TRPM1: variants seen among roughly 807,000 people sequenced by gnomAD.
The protein encoded by TRPM1 is TRPM1-203 APA Isoform, Intron 10.
Under a neutral mutation model 149.4 loss-of-function variants are expected in TRPM1, and 113 were observed. That is an observed-to-expected ratio of 0.76 (90% CI 0.65 to 0.88). The LOEUF (loss-of-function observed/expected upper bound fraction) is 0.88. Ranked by LOEUF, TRPM1 falls within the 40% of genes least tolerant of loss-of-function variation. TRPM1 has a pLI of 0.00. For missense variants in TRPM1, 1,976 were observed against 2,038.7 expected (o/e 0.97, Z 0.59); for synonymous variants, 741 against 759.5 (o/e 0.98, Z 0.40).
intron 1 of TRPM1, among the ~76,000 whole-genome samples, chr15:31,134,097 T>C (rs1040443168): frequency 6.6e-6 from 1 of 152,136 alleles, no homozygotes; most frequent in Admixed American, 6.5e-5. Context: ...CCCGTGTGGC[T>C]GGAGTGTTGA....
In TRPM1 at chr15:31,037,734, T is replaced by A. The variant is rs771284454; in HGVS notation, c.2548A>T (p.Ile850Phe). ...ACTGTGTAAAACCAGAACTTGACAA[T>A]GGGCGCGTTATAGAATTCACAGATC... ...TKICEFYNAP[I>F]VKFWFYTISY... Residue 850 changes from isoleucine (I) to phenylalanine (F), a missense_variant, in exon 20 of 28, where the codon ATT becomes TTT. Ile to Phe is a conservative substitution (Grantham distance 21). Coordinates refer to ENST00000256552, the MANE Select transcript of TRPM1 (RefSeq NM_001252024.2). 9 of 1,614,212 alleles carry A rather than the reference T, an allele frequency of 5.6e-6. No individual in the cohort carries two copies. The highest frequency in any genetic ancestry group is 6.8e-6 in the Non-Finnish European group (8 of 1,180,050).
Position 31,002,722 on chromosome 15 carries a change from G to A in TRPM1, c.3978C>T (p.Phe1326=), listed in dbSNP as rs1222310468. The change falls in exon 28 of 28, where the codon TTC becomes TTT. Residue 1326 remains phenylalanine (F), a synonymous_variant. Transcript: ENST00000256552. The part of the protein sequence containing the change: ...GTGVRKKTCS[F]RIKEEKDVKT... ...TCACGTCCTTCTCTTCCTTTATACG[G>A]AAGGAACAGGTTTTTTTCCTGACTC... is the stretch of plus-strand genomic sequence containing the variant. 4 of 1,614,176 alleles carry A rather than the reference G, an allele frequency of 2.5e-6. No homozygotes were observed. The highest frequency in any genetic ancestry group is 1.7e-5 in the Admixed American group (1 of 60,014).
chr15:31,007,535 C>T (rs1166346136), intron 27 of TRPM1, among the ~76,000 whole-genome samples: 1 of 152,122 alleles, frequency 6.6e-6, no homozygotes, highest in Non-Finnish European at 1.5e-5. Flanking sequence ...GGCACAGTGG[C>T]TCATGCCTAC....
chr15:31,135,138 G>A (rs575044151), intron 1 of TRPM1, among the ~76,000 whole-genome samples: 1 of 152,154 alleles, frequency 6.6e-6, no homozygotes, highest in Non-Finnish European at 1.5e-5. Context: ...AACTCATGAA[G>A]GGTGAAGGAG....
intron 22 of TRPM1, 169 bp from the exon 23 acceptor site, chr15:31,031,326 C>A: frequency 1.5e-6 from 1 of 684,816 alleles, no homozygotes. Flanking sequence ...TTTCCTACTC[C>A]ATGCAATGCT....
chr15:31,057,381 T>C (rs930368992), intron 11 of TRPM1, among the ~76,000 whole-genome samples: 1 of 151,780 alleles, frequency 6.6e-6, no homozygotes, highest in Admixed American at 6.6e-5. Flanking sequence ...ACTGGGGCCT[T>C]TTGGAGGGAG....
intron 1 of TRPM1, among the ~76,000 whole-genome samples, chr15:31,149,766 G>C (rs1034351205): frequency 9.2e-5 from 14 of 152,164 alleles, no homozygotes; most frequent in African/African-American, 3.4e-4. Flanking sequence ...TGATCCGCCC[G>C]CCTTGGCCTC....
At chr15:31,033,009 A>G in intron 21 of TRPM1, 69 bp from the exon 22 acceptor site, 1 of 1,602,086 alleles carries the variant, frequency 6.2e-7, no homozygotes, top group Non-Finnish European at 8.5e-7. Flanking sequence ...GAATCTTGGA[A>G]CAATAAGACT....
chr15:31,045,579 T>C (rs2033739731), intron 16 of TRPM1, among the ~76,000 whole-genome samples: 1 of 152,204 alleles, frequency 6.6e-6, no homozygotes, highest in Non-Finnish European at 1.5e-5. Flanking sequence ...ACGCCAATGA[T>C]ATTGGGCATG....
chr15:31,158,276 T>G lies in TRPM1; in HGVS notation c.54+2630A>C, dbSNP rs375862154. Among the ~76,000 whole-genome samples, 449 of 152,172 alleles carry G rather than the reference T, an allele frequency of 3.0e-3. 1 individual carries two copies. Among genetic ancestry groups the G allele is most frequent in the African/African-American group, 0.01 (419 of 41,508 alleles). ...GACCCCAAGAAAGGGTGCTTGGATC[T>G]CGTGCAAGAAAGATTTCAGGGTGAG... On this transcript the variant is annotated intron_variant, in intron 1 of 26. Transcript: ENST00000542188.
chr15:31,073,098 G>A (rs963375961), intron 3 of TRPM1, among the ~76,000 whole-genome samples: 1 of 152,060 alleles, frequency 6.6e-6, no homozygotes, highest in African/African-American at 2.4e-5. Flanking sequence ...CCCAGGTCAT[G>A]ATTTACCCTT....
rs187412456 is a variant in TRPM1 at position 31,148,218 on chromosome 15, G to A, written c.54+12688C>T. Among the ~76,000 whole-genome samples, 172 of 152,288 alleles carry A rather than the reference G, an allele frequency of 1.1e-3. 1 individual carries two copies. The highest frequency in any genetic ancestry group is 3.8e-3 in the African/African-American group (157 of 41,546). On this transcript the variant is annotated intron_variant, in intron 1 of 26. Transcript: ENST00000542188. ...CAAAACCAAGAGACAACTTTTCTGA[G>A]TCAAAGATTCTCAAATGAAATGGAT...
At chr15:31,027,876 C>A (rs1014830086) in intron 25 of TRPM1, among the ~76,000 whole-genome samples, 1 of 152,084 alleles carries the variant, frequency 6.6e-6, no homozygotes, top group African/African-American at 2.4e-5. Flanking sequence ...TCGATTTAAC[C>A]CTTTAAGCCA....
intron 1 of TRPM1, among the ~76,000 whole-genome samples, chr15:31,136,319 CT>C (rs2036087895): frequency 6.6e-6 from 1 of 152,204 alleles, no homozygotes; most frequent in Admixed American, 6.5e-5. Flanking sequence ...ACACCAGCCC[CT>C]GCCGTGCTTG....
Position 31,003,076 on chromosome 15 carries a change from G to A in TRPM1, c.3630-6C>T. On this transcript the variant is annotated splice_polypyrimidine_tract_variant and splice_region_variant and intron_variant, in intron 27 of 27. Transcript: ENST00000256552. The stretch of plus-strand genomic sequence containing the variant: ...TCATTGACATATTTTCAACTCTGGT[G>A]AATATAAAGGGATAGATTTATTAAA... 2.5e-6 allele frequency: 4 copies of A among 1,597,394 alleles called. No homozygotes were observed. Among genetic ancestry groups the A allele is most frequent in the Non-Finnish European group, 2.6e-6 (3 of 1,173,588 alleles).
At chr15:31,021,202 C>T (rs759078383) in intron 27 of TRPM1, among the ~76,000 whole-genome samples, 12 of 152,162 alleles carry the variant, frequency 7.9e-5, no homozygotes, top group Admixed American at 2.0e-4. Context: ...GCGCATTTGC[C>T]GTTCTACAAC....
intron 21 of TRPM1, 47 bp from the exon 22 acceptor site, chr15:31,032,987 A>AT: frequency 6.2e-7 from 1 of 1,612,150 alleles, no homozygotes. Flanking sequence ...CCGTATTAGA[A>AT]GTCTTGTCTT....
intron 1 of TRPM1, among the ~76,000 whole-genome samples, chr15:31,125,933 G>C (rs11070828): frequency 0.56 from 85,118 of 151,144 alleles, 25,045 homozygotes; most frequent in African/African-American, 0.7. Flanking sequence ...GAGTTCGAGA[G>C]TAGCCTGGCC....
intron 24 of TRPM1, among the ~76,000 whole-genome samples, chr15:31,028,888 T>G (rs2032924105): frequency 6.6e-6 from 1 of 152,220 alleles, no homozygotes; most frequent in African/African-American, 2.4e-5. Flanking sequence ...AAGTCTTCAT[T>G]TTTAAGCAGA....
Sources: allele counts gnomAD v4.1 joint callset (sites outside exome capture counted in the v4.1 genomes callset), GRCh38; gene constraint gnomAD v4.1.1; transcripts MANE v1.5; gene names NCBI Gene and HGNC (gene_info 2026-07-23, HGNC 2026-07-21).